TEX11: variants seen among roughly 807,000 people sequenced by gnomAD.
TEX11 encodes the protein testis expressed 11.
In TEX11, 7 loss-of-function variants were observed where a neutral mutation model predicts 84.4. That is an observed-to-expected ratio of 0.08 (90% confidence interval 0.05 to 0.16). The LOEUF is 0.16. TEX11 is among the 10% of genes least tolerant of loss of function. The pLI is 1.00. For synonymous variants in TEX11, 264 were observed against 222.8 expected (o/e 1.18, Z -1.64); for missense variants, 551 against 660.5 (o/e 0.83, Z 1.82).
intron 8 of TEX11, among the ~76,000 whole-genome samples, chrX:70,812,365 G>A (rs5936992): frequency 0.25 from 26,847 of 109,274 alleles, 3,110 homozygotes; most frequent in East Asian, 0.42. Context: ...CCCACCACCA[G>A]GCCGGCTAAT....
chrX:70,527,242 A>G (rs1343158057), downstream of TEX11, among the ~76,000 whole-genome samples: 2 of 112,242 alleles, frequency 1.8e-5, no homozygotes, highest in African/African-American at 6.5e-5. Context: ...GTACCTCATA[A>G]TTAATTATTA....
chrX:70,669,753 G>C (rs1210439914), intron 16 of TEX11, among the ~76,000 whole-genome samples: 1 of 112,733 alleles, frequency 8.9e-6, no homozygotes, highest in African/African-American at 3.2e-5. Context: ...GTTCACACTT[G>C]TCCTTCTAGT....
intron 18 of TEX11, among the ~76,000 whole-genome samples, chrX:70,627,950 C>G (rs1305902667): frequency 8.9e-6 from 1 of 111,825 alleles, no homozygotes; most frequent in Non-Finnish European, 1.9e-5. Flanking sequence ...AAAGTCATGG[C>G]TGGTGCAGTG....
chrX:70,860,243 C>T (rs1275942087), intron 5 of TEX11, among the ~76,000 whole-genome samples: 2 of 111,492 alleles, frequency 1.8e-5, no homozygotes, highest in African/African-American at 6.5e-5. Context: ...ATATATGATA[C>T]AGGATTTATC....
chrX:70,566,463 G>A (rs2088480616), intron 25 of TEX11, among the ~76,000 whole-genome samples: 1 of 110,352 alleles, frequency 9.1e-6, no homozygotes, highest in Non-Finnish European at 1.9e-5. Context: ...TGGTGAGAGA[G>A]GGCATCCCTC....
intron 14 of TEX11, among the ~76,000 whole-genome samples, chrX:70,682,222 A>G (rs2090153099): frequency 9.0e-6 from 1 of 111,537 alleles, no homozygotes; most frequent in Non-Finnish European, 1.9e-5. Context: ...TATTTCATTC[A>G]GGGTGGGGTT....
chrX:70,589,402 G>T (rs1013561263), intron 25 of TEX11, among the ~76,000 whole-genome samples: 10 of 108,680 alleles, frequency 9.2e-5, no homozygotes, highest in Middle Eastern at 5.0e-3. Flanking sequence ...TGTATATATA[G>T]AGAGGCATTT....
At chrX:70,849,275 G>T (rs1340555570) in intron 7 of TEX11, among the ~76,000 whole-genome samples, 1 of 111,658 alleles carries the variant, frequency 9.0e-6, no homozygotes, top group African/African-American at 3.3e-5. Context: ...TAAGGAAAAT[G>T]ACCATATATT....
At chrX:70,843,339 C>G (rs1280017592) in intron 7 of TEX11, among the ~76,000 whole-genome samples, 8 of 111,397 alleles carry the variant, frequency 7.2e-5, no homozygotes, top group East Asian at 2.8e-4. Flanking sequence ...ACAAACCTGA[C>G]AAAAACAAGC....
At chrX:70,526,458 A>T (rs1303707560), downstream of TEX11, among the ~76,000 whole-genome samples, 3 of 110,142 alleles carry the variant, frequency 2.7e-5, no homozygotes, top group Admixed American at 2.9e-4. Flanking sequence ...AGTCTCAGCT[A>T]CTTGGGAGGT....
intron 21 of TEX11, among the ~76,000 whole-genome samples, chrX:70,610,206 G>GA (rs2089243036): frequency 1.4e-5 from 1 of 70,202 alleles, no homozygotes; most frequent in African/African-American, 5.1e-5. Context: ...AAGGAAGGAA[G>GA]GAAGAGAGGG....
intron 2 of TEX11, among the ~76,000 whole-genome samples, chrX:70,897,860 CT>C (rs1250415075): frequency 9.0e-6 from 1 of 111,392 alleles, no homozygotes; most frequent in African/African-American, 3.3e-5. Flanking sequence ...AATGAACCAA[CT>C]TTTTAAAGTT....
intron 3 of TEX11, among the ~76,000 whole-genome samples, chrX:70,877,615 G>T (rs947981131): frequency 1.8e-5 from 2 of 111,762 alleles, no homozygotes; most frequent in African/African-American, 3.3e-5. Context: ...ATAGGCAAAA[G>T]GTAGATGCAA....
intron 13 of TEX11, among the ~76,000 whole-genome samples, chrX:70,696,420 G>T (rs1490317905): frequency 9.0e-6 from 1 of 111,283 alleles, no homozygotes; most frequent in African/African-American, 3.3e-5. Flanking sequence ...AGGAACTAAG[G>T]CCTCATATTA....
At position 70,678,797 on chromosome X, in the gene TEX11, C is replaced by T. The variant is rs777468308; in HGVS notation, c.1242+7G>A. On this transcript the variant is annotated splice_region_variant and intron_variant, in intron 15 of 29. Coordinates refer to ENST00000374333, the MANE Select transcript of TEX11 (RefSeq NM_031276.3). ...AATAAAGAATGAAAAAGAGATTATT[C>T]TCAAACCTCAAAACTACTGGCAGCT... 2 of 1,193,600 alleles carry T rather than the reference C, an allele frequency of 1.7e-6. No homozygotes were observed. Among genetic ancestry groups the T allele is most frequent in the Admixed American group, 4.5e-5 (2 of 44,246 alleles).
chrX:70,863,968 A>C (rs1435104455), intron 4 of TEX11, among the ~76,000 whole-genome samples: 1 of 112,004 alleles, frequency 8.9e-6, no homozygotes, highest in Non-Finnish European at 1.9e-5. Context: ...CGAAGAAAGG[A>C]TGTCAGAGAT....
At chrX:70,779,060 T>G (rs769882974) in intron 9 of TEX11, among the ~76,000 whole-genome samples, 40 of 110,316 alleles carry the variant, frequency 3.6e-4, no homozygotes, top group Non-Finnish European at 6.2e-4. Flanking sequence ...TGTACACATT[T>G]TAAAAATTAA....
At chrX:70,751,069 G>T (rs1355909141) in intron 9 of TEX11, among the ~76,000 whole-genome samples, 11 of 102,585 alleles carry the variant, frequency 1.1e-4, no homozygotes, top group Non-Finnish European at 2.0e-4. Flanking sequence ...GGAAGACAGT[G>T]TGGCGATACC....
At position 70,758,272 on chromosome X, in the gene TEX11, G is replaced by T. The variant is rs1383110886; in HGVS notation, c.693-14053C>A. On this transcript the variant is annotated intron_variant, in intron 9 of 29. Transcript: ENST00000374333. Reference sequence around the variant, plus strand: ...TTGAACTCAGCTCTGGACCAAACAGGCCTAATGGACATCTACAGAACTCTC... The same window carrying T: ...TTGAACTCAGCTCTGGACCAAACAGTCCTAATGGACATCTACAGAACTCTC... Among the ~76,000 whole-genome samples the T allele has an allele frequency of 2.7e-5, 3 of 111,556 alleles. No homozygotes were observed. The East Asian group carries it at 8.4e-4, about 31-fold the overall frequency.
Sources: allele counts gnomAD v4.1 joint callset (sites outside exome capture counted in the v4.1 genomes callset), GRCh38; gene constraint gnomAD v4.1.1; transcripts MANE v1.5; gene names NCBI Gene and HGNC (gene_info 2026-07-23, HGNC 2026-07-21).